The following PDE11A variants were observed in gnomAD, a reference collection of about 807,000 sequenced individuals.
PDE11A encodes dual 3',5'-cyclic-AMP and -GMP phosphodiesterase 11A.
In PDE11A, 100 loss-of-function variants were observed where a neutral mutation model predicts 100.5. The ratio of observed to expected loss-of-function variants is 1.00; its 90% CI spans 0.85 to 1.18. The LOEUF is 1.18. Among genes scored for constraint, PDE11A ranks in the 50% most tolerant of loss-of-function variants. PDE11A has a pLI of 0.00. For missense variants in PDE11A, 1,141 were observed against 1,152.6 expected, an observed-to-expected ratio of 0.99 and a Z score of 0.15; for synonymous variants, 381 against 420.8, an observed-to-expected ratio of 0.91 and a Z score of 1.16.
In PDE11A at chr2:177,629,318, T is replaced by C; in HGVS notation, c.*89A>G. On this transcript the variant is annotated 3_prime_UTR_variant, in exon 20 of 20. Coordinates refer to ENST00000286063, the MANE Select transcript of PDE11A (RefSeq NM_016953.4). Reference sequence around the variant, plus strand: ...GCATCCTTGAGATGTTAGGTCTTTCTGAGCTAAAAGAACAAAAGGATGACA... The same window carrying C: ...GCATCCTTGAGATGTTAGGTCTTTCCGAGCTAAAAGAACAAAAGGATGACA... 3.4e-6 allele frequency: 4 copies of C among 1,177,030 alleles called. No individual in the cohort carries two copies. In the South Asian group the frequency reaches 3.7e-5, roughly 11 times the overall value. 72.9% of individuals were successfully genotyped at this position (1,177,030 alleles called of 1,614,324 possible).
intron 15 of PDE11A, among the ~76,000 whole-genome samples, chr2:177,683,686 A>G (rs1240503632): frequency 1.3e-5 from 2 of 152,042 alleles, no homozygotes; most frequent in African/African-American, 2.4e-5. Flanking sequence ...AAATTCCATA[A>G]CCTCTCACCC....
rs756759776 is a variant in PDE11A at position 177,680,888 on chromosome 2, G to T, written c.2361C>A (p.Phe787Leu). Residue 787 changes from phenylalanine (F) to leucine (L), a missense_variant, in exon 16 of 20, where the codon TTC (phenylalanine) becomes TTA (leucine). Physicochemically the swap from Phe to Leu is conservative, Grantham distance 22. Transcript: ENST00000286063. ...LTLYFERRTEFFELVSKGEYD... is the reference protein window; with the variant it reads ...LTLYFERRTELFELVSKGEYD... ...ATTCTCCTTTACTGACAAGTTCAAA[G>T]AATTCAGTTCTCCTCCTGCAGGAAA... is the stretch of plus-strand genomic sequence containing the variant. 25 of 1,575,768 alleles carry T rather than the reference G, an allele frequency of 1.6e-5. No homozygotes were observed. The highest frequency in any genetic ancestry group is 2.1e-5 in the Non-Finnish European group (24 of 1,147,018).
At chr2:177,961,669 A>T (rs949714255) in intron 2 of PDE11A, among the ~76,000 whole-genome samples, 1 of 152,086 alleles carries the variant, frequency 6.6e-6, no homozygotes, top group African/African-American at 2.4e-5. Flanking sequence ...CAATTCCCAC[A>T]TTTTTACTTA....
At chr2:177,889,272 T>C (rs1426757966) in intron 4 of PDE11A, among the ~76,000 whole-genome samples, 1 of 152,206 alleles carries the variant, frequency 6.6e-6, no homozygotes. Context: ...TAGTCTAACA[T>C]CAGAATGAAT....
intron 1 of PDE11A, among the ~76,000 whole-genome samples, chr2:178,043,348 C>A (rs183087642): frequency 6.6e-6 from 1 of 152,222 alleles, no homozygotes; most frequent in Non-Finnish European, 1.5e-5. Context: ...TGCTAAGGTA[C>A]ACAGATTTGA....
At chr2:177,790,371 C>T (rs2082611636) in intron 9 of PDE11A, among the ~76,000 whole-genome samples, 1 of 151,468 alleles carries the variant, frequency 6.6e-6, no homozygotes, top group African/African-American at 2.4e-5. Context: ...TTCCTTACAC[C>T]TTATACAAAA....
rs893246640 is a variant in PDE11A at position 177,853,932 on chromosome 2, A to G, written c.1368-13549T>C. On this transcript the variant is annotated intron_variant, in intron 5 of 19. Transcript: ENST00000286063. ...TATATGTGCATATATATGTATATATATGTGTGTATATATATCTATATATAT... is the reference window on the plus strand; with the variant it reads ...TATATGTGCATATATATGTATATATGTGTGTGTATATATATCTATATATAT... 1.1e-4 allele frequency among the ~76,000 whole-genome samples: 16 copies of G among 147,884 alleles called. No homozygotes were observed. The East Asian group carries it at 1.2e-3, about 11-fold the overall frequency.
intron 2 of PDE11A, among the ~76,000 whole-genome samples, chr2:177,919,041 A>G (rs1048194796): frequency 6.6e-6 from 1 of 152,114 alleles, no homozygotes; most frequent in African/African-American, 2.4e-5. Flanking sequence ...AAACCTACAG[A>G]ATAGATCCCT....
At chr2:177,631,532 T>TGG (rs2079933506) in intron 19 of PDE11A, among the ~76,000 whole-genome samples, 1 of 21,086 alleles carries the variant, frequency 4.7e-5, no homozygotes, top group Non-Finnish European at 9.1e-5. Flanking sequence ...TATATATATA[T>TGG]ATATATATAT....
intron 4 of PDE11A, among the ~76,000 whole-genome samples, chr2:177,887,160 A>G (rs763336361): frequency 6.6e-6 from 1 of 152,192 alleles, no homozygotes; most frequent in Admixed American, 6.5e-5. Context: ...GGTAGGAAAG[A>G]GGGCAAGAGA....
At chr2:177,719,778 T>A (rs111470853) in intron 12 of PDE11A, among the ~76,000 whole-genome samples, 90 of 152,262 alleles carry the variant, frequency 5.9e-4, no homozygotes, top group Non-Finnish European at 1.1e-3. Flanking sequence ...GGGTCTTTGT[T>A]TGGTACATTA....
chr2:178,079,284 C>T (rs940146588), intron 2 of PDE11A, among the ~76,000 whole-genome samples: 4 of 152,090 alleles, frequency 2.6e-5, no homozygotes, highest in Non-Finnish European at 5.9e-5. Context: ...TCGGGCTGCT[C>T]TCCCTCCCCC....
chr2:177,855,287 G>T (rs2083812383), intron 5 of PDE11A, among the ~76,000 whole-genome samples: 1 of 152,004 alleles, frequency 6.6e-6, no homozygotes. Flanking sequence ...AAAAAGTAAA[G>T]AGAAGAGGAA....
At chr2:178,070,796 C>A (rs1308704099) in intron 1 of PDE11A, among the ~76,000 whole-genome samples, 1 of 152,138 alleles carries the variant, frequency 6.6e-6, no homozygotes, top group African/African-American at 2.4e-5. Flanking sequence ...TTGTTTGTTT[C>A]ATAAATTAAA....
At chr2:177,664,803 C>T (rs1433918774) in intron 18 of PDE11A, among the ~76,000 whole-genome samples, 3 of 152,052 alleles carry the variant, frequency 2.0e-5, no homozygotes, top group African/African-American at 7.2e-5. Flanking sequence ...TATAACTTGC[C>T]CTCCCTTAAT....
chr2:177,727,878 A>G (rs1559162747), intron 11 of PDE11A, 113 bp from the exon 12 acceptor site: 1 of 975,336 alleles, frequency 1.0e-6, no homozygotes, highest in Non-Finnish European at 1.7e-6. Context: ...CCTTCCACAA[A>G]CATCTCTTCT....
intron 7 of PDE11A, among the ~76,000 whole-genome samples, chr2:177,818,309 GTGTA>G (rs1286979812): frequency 1.0e-4 from 10 of 98,822 alleles, no homozygotes; most frequent in South Asian, 8.6e-4. Context: ...ATATATATGT[GTGTA>G]TATATATATA....
intron 6 of PDE11A, among the ~76,000 whole-genome samples, chr2:177,830,638 AATAATAATAATC>A (rs1224926706): frequency 1.4e-4 from 19 of 135,950 alleles, no homozygotes; most frequent in African/African-American, 5.3e-4. Context: ...TAATAATAAT[AATAATAATAATC>A]AGGTGTTGTT....
chr2:177,934,806 A>G (rs2085252211), intron 2 of PDE11A, among the ~76,000 whole-genome samples: 1 of 152,238 alleles, frequency 6.6e-6, no homozygotes, highest in Non-Finnish European at 1.5e-5. Flanking sequence ...ATGCAGCCAT[A>G]AAAGAGGGTG....
Sources: allele counts gnomAD v4.1 joint callset (sites outside exome capture counted in the v4.1 genomes callset), GRCh38; gene constraint gnomAD v4.1.1; transcripts MANE v1.5; gene names NCBI Gene and HGNC (gene_info 2026-07-23, HGNC 2026-07-21).